PROCR: variants seen among roughly 807,000 people sequenced by gnomAD.
PROCR encodes endothelial protein C receptor.
In PROCR, 22 loss-of-function variants were observed where a neutral mutation model predicts 24.2. The observed-to-expected ratio is 0.91, with a 90% CI of 0.65 to 1.30. PROCR has a LOEUF of 1.30. Ranked by LOEUF, PROCR falls within the 50% of genes most tolerant of loss-of-function variation. The probability of loss-of-function intolerance (pLI) is 0.00; values close to 1 mark genes in which losing one functional copy is unlikely to be tolerated. For missense variants in PROCR, 288 were observed against 307.7 expected (o/e 0.94, Z 0.48); for synonymous variants, 137 against 139.2 (o/e 0.98, Z 0.11).
intron 1 of PROCR, among the ~76,000 whole-genome samples, chr20:35,201,079 TGTCA>T (rs1200271497): frequency 1.3e-5 from 2 of 152,130 alleles, no homozygotes; most frequent in Non-Finnish European, 2.9e-5. Context: ...AGTTGTGAGA[TGTCA>T]GTGTTTTACT....
chr20:35,186,259 C>T (rs1047087071), intron 1 of PROCR, among the ~76,000 whole-genome samples: 6 of 152,242 alleles, frequency 3.9e-5, no homozygotes, highest in South Asian at 2.1e-4. Context: ...TGTTACAACA[C>T]GGATGAGCCT....
At chr20:35,192,893 A>C (rs1415329435) in intron 1 of PROCR, among the ~76,000 whole-genome samples, 13 of 152,244 alleles carry the variant, frequency 8.5e-5, no homozygotes, top group Admixed American at 8.5e-4. Context: ...CATCAAGAAT[A>C]GAATAATGAA....
At position 35,176,840 on chromosome 20, in the gene PROCR, C is replaced by CTGGAT. The variant is rs754605817; in HGVS notation, c.*30_*34dup. On this transcript the variant is annotated 3_prime_UTR_variant, in exon 4 of 4. Transcript: ENST00000216968. ...TACTCTCCAGCCCCCTCAGAAGGGG[C>CTGGAT]TGGATTGATGGAGGCTGGCAAGGGA... 1.2e-6 allele frequency: 2 copies of CTGGAT among 1,609,942 alleles called. No individual in the cohort carries two copies. The highest frequency in any genetic ancestry group is 1.7e-6 in the Non-Finnish European group (2 of 1,178,072).
At chr20:35,211,777 G>A (rs567646665) in intron 1 of PROCR, among the ~76,000 whole-genome samples, 4 of 152,166 alleles carry the variant, frequency 2.6e-5, no homozygotes, top group Non-Finnish European at 2.9e-5. Flanking sequence ...ACTTTGGAAG[G>A]CTGAGGCAGG....
At chr20:35,200,792 A>T (rs1283807368) in intron 1 of PROCR, among the ~76,000 whole-genome samples, 1 of 152,118 alleles carries the variant, frequency 6.6e-6, no homozygotes, top group African/African-American at 2.4e-5. Context: ...GATTACAGGC[A>T]TGTTGCCACC....
chr20:35,187,223 T>TTTTG (rs35650525), intron 1 of PROCR, among the ~76,000 whole-genome samples: 92,002 of 150,524 alleles, frequency 0.61, 29,285 homozygotes, highest in African/African-American at 0.8. Context: ...CCTAAATTTG[T>TTTTG]TTTGTTTGTT....
intron 1 of PROCR, chr20:35,203,109 T>G (rs951971938): frequency 2.6e-5 from 4 of 152,224 alleles, no homozygotes; most frequent in African/African-American, 9.6e-5. Flanking sequence ...AAACCCCATC[T>G]CCACTAAAAA....
At chr20:35,197,592 G>C (rs1230546600) in intron 1 of PROCR, among the ~76,000 whole-genome samples, 1 of 152,064 alleles carries the variant, frequency 6.6e-6, no homozygotes, top group Non-Finnish European at 1.5e-5. Context: ...GGGAGGCCGA[G>C]GTGGGCGGAT....
chr20:35,176,750 C>G lies in PROCR; in HGVS notation c.654C>G (p.Gly218=), dbSNP rs777941356. The part of the protein sequence containing the change: ...YTSLVLGVLV[G]SFIIAGVAVG... Reference sequence around the variant, plus strand: ...CGCTGGTCCTGGGCGTCCTGGTGGGCAGTTTCATCATTGCTGGTGTGGCTG... The same window carrying G: ...CGCTGGTCCTGGGCGTCCTGGTGGGGAGTTTCATCATTGCTGGTGTGGCTG... The change falls in exon 4 of 4, where the codon GGC becomes GGG. Residue 218 remains glycine (G), a synonymous_variant. Transcript: ENST00000216968. 6.2e-7 allele frequency: 1 copy of G among 1,613,904 alleles called. No individual in the cohort carries two copies. Among genetic ancestry groups the G allele is most frequent in the African/African-American group, 1.3e-5 (1 of 75,006 alleles).
In PROCR at chr20:35,174,924, G is replaced by T. The variant is rs200377875; in HGVS notation, c.293G>T (p.Arg98Leu). 89 of 1,575,496 alleles carry T rather than the reference G, an allele frequency of 5.6e-5. No homozygotes were observed. Among genetic ancestry groups the T allele is most frequent in the Middle Eastern group, 3.6e-4 (2 of 5,482 alleles). ...CTGCTCCAGTTCCACGGCCTCGTGC[G>T]CCTGGTGCACCAGGAGCGGACCTTG... The part of the protein sequence containing the change: ...SYLLQFHGLV[R>L]LVHQERTLAF... The change falls in exon 2 of 4, where the codon CGC (arginine) becomes CTC (leucine). Residue 98 changes from arginine to leucine, a missense_variant. Coordinates refer to ENST00000216968, the MANE Select transcript of PROCR (RefSeq NM_006404.5).
At chr20:35,201,819 T>C (rs189073136) in intron 1 of PROCR, 6 of 152,138 alleles carry the variant, frequency 3.9e-5, no homozygotes, top group Non-Finnish European at 1.5e-5. Flanking sequence ...GATATAAATA[T>C]AGGGAAATTA....
chr20:35,200,353 T>G (rs2060314052), intron 1 of PROCR, among the ~76,000 whole-genome samples: 1 of 152,166 alleles, frequency 6.6e-6, no homozygotes, highest in Admixed American at 6.5e-5. Flanking sequence ...CAAACTTTAT[T>G]GTTGTCTTAT....
downstream of PROCR, among the ~76,000 whole-genome samples, chr20:35,180,553 C>G (rs748251396): frequency 4.6e-5 from 7 of 152,190 alleles, no homozygotes; most frequent in Non-Finnish European, 1.0e-4. Flanking sequence ...GAGGCTGGGT[C>G]TTTGTCAGAT....
intron 1 of PROCR, among the ~76,000 whole-genome samples, chr20:35,201,576 T>C (rs2060318364): frequency 6.6e-6 from 1 of 152,042 alleles, no homozygotes; most frequent in Non-Finnish European, 1.5e-5. Context: ...TAATCCCAGC[T>C]ACTCGGGAGG....
downstream of PROCR, among the ~76,000 whole-genome samples, chr20:35,178,766 C>G (rs1387653438): frequency 6.9e-6 from 1 of 145,546 alleles, no homozygotes; most frequent in Non-Finnish European, 1.5e-5. Context: ...CCGCCCACCT[C>G]GGCCTCCCAA....
At chr20:35,178,507 G>GTTTTGTTTTTTTTTTTTTTTTTTTTTT (rs1272557859), downstream of PROCR, among the ~76,000 whole-genome samples, 1 of 34,372 alleles carries the variant, frequency 2.9e-5, no homozygotes, top group African/African-American at 1.8e-4. Flanking sequence ...TCAAGTCTCA[G>GTTTTGTTTTTTTTTTTTTTTTTTTTTT]TTTTTTTTTT....
chr20:35,178,298 G>A (rs979207861), downstream of PROCR, among the ~76,000 whole-genome samples: 8 of 150,304 alleles, frequency 5.3e-5, no homozygotes, highest in Non-Finnish European at 8.9e-5. Context: ...CAGCTACTTG[G>A]GAGGCTGAGG....
chr20:35,173,184 C>T (rs1600732091), intron 1 of PROCR, among the ~76,000 whole-genome samples: 1 of 152,272 alleles, frequency 6.6e-6, no homozygotes. Context: ...CTGTGCCAGC[C>T]TCTTTTCTGG....
At chr20:35,191,548 T>G (rs112975294) in intron 1 of PROCR, among the ~76,000 whole-genome samples, 23 of 152,242 alleles carry the variant, frequency 1.5e-4, no homozygotes, top group African/African-American at 5.5e-4. Flanking sequence ...GAGTTGCTGT[T>G]TTAGACAGCA....
Sources: gnomAD v4.1 joint callset for allele counts (sites outside exome capture counted in the v4.1 genomes callset) on GRCh38, gnomAD v4.1.1 for gene constraint, MANE v1.5 for transcripts, NCBI Gene and HGNC (gene_info 2026-07-23, HGNC 2026-07-21) for gene names.